Variants in ZFR2 observed in about 807,000 individuals in gnomAD.
ZFR2 encodes the protein zinc finger RNA binding protein 2, also known as zinc finger RNA-binding protein 2.
In ZFR2, 104 loss-of-function variants were observed where a neutral mutation model predicts 105.7. The observed-to-expected ratio is 0.98, with a 90% CI of 0.84 to 1.16. ZFR2 has a LOEUF of 1.16. ZFR2 is among the 50% of genes most tolerant of loss of function. The pLI, the probability that ZFR2 is intolerant of heterozygous loss-of-function variation, is 0.00. For missense variants in ZFR2, 1,425 were observed against 1,355.5 expected, an observed-to-expected ratio of 1.05 and a Z score of -0.80; for synonymous variants, 634 against 597.7, an observed-to-expected ratio of 1.06 and a Z score of -0.89.
chr19:3,814,264 G>A (rs1023538247), intron 13 of ZFR2, among the ~76,000 whole-genome samples: 2 of 152,180 alleles, frequency 1.3e-5, no homozygotes, highest in Non-Finnish European at 2.9e-5. Flanking sequence ...AAAAAAATTG[G>A]TGAGTGAAAT....
At chr19:3,828,724 C>T (rs2037979646) in intron 5 of ZFR2, among the ~76,000 whole-genome samples, 1 of 152,170 alleles carries the variant, frequency 6.6e-6, no homozygotes, top group African/African-American at 2.4e-5. Flanking sequence ...CGGCCACAGA[C>T]AAGACGTGGC....
In ZFR2 at chr19:3,825,286, G is replaced by A; in HGVS notation, c.1157C>T (p.Ala386Val). The change falls in exon 7 of 19, where the codon GCC (alanine) becomes GTC (valine). Residue 386 changes from alanine to valine, a missense_variant. Coordinates refer to ENST00000262961, the MANE Select transcript of ZFR2 (RefSeq NM_015174.2). ...CTTGGCCAGCGCTGGCCTGCTCGAG[G>A]CACACACGCTGGGGCCAGTGGGGGA... is the stretch of plus-strand genomic sequence containing the variant. Reference protein sequence around the residue: ...PTSPTGPSVCASSRPALAKRP... With the variant: ...PTSPTGPSVCVSSRPALAKRP... 1 of 1,577,260 alleles carries A rather than the reference G, an allele frequency of 6.3e-7. No homozygotes were observed.
In ZFR2 at chr19:3,820,199, C is replaced by T. The variant is rs558302396; in HGVS notation, c.1723G>A (p.Ala575Thr). 65 of 1,552,282 alleles carry T rather than the reference C, an allele frequency of 4.2e-5. No individual in the cohort carries two copies. The highest frequency in any genetic ancestry group is 5.3e-5 in the Non-Finnish European group (61 of 1,147,738). ...GTACCTACCTGGAGTGGGGCGCTGGCGGGTGACTCCGGCCTGCCCATGAGC... is the reference window on the plus strand; with the variant it reads ...GTACCTACCTGGAGTGGGGCGCTGGTGGGTGACTCCGGCCTGCCCATGAGC... ...PLLMGRPESP[A>T]SAPLQPGRRP... The change falls in exon 11 of 19, where the codon GCC becomes ACC. Residue 575 changes from alanine to threonine, a missense_variant. Coordinates refer to ENST00000262961, the MANE Select transcript of ZFR2 (RefSeq NM_015174.2).
intron 1 of ZFR2, among the ~76,000 whole-genome samples, chr19:3,846,725 T>A (rs904907246): frequency 5.3e-5 from 8 of 152,378 alleles, no homozygotes; most frequent in African/African-American, 1.9e-4. Flanking sequence ...TTTGAAAATA[T>A]CACAATTCAT....
chr19:3,857,322 G>A (rs1461683197), intron 1 of ZFR2, among the ~76,000 whole-genome samples: 1 of 151,990 alleles, frequency 6.6e-6, no homozygotes, highest in Non-Finnish European at 1.5e-5. Flanking sequence ...GCACAGGCGT[G>A]AGAACCAAAC....
intron 5 of ZFR2, among the ~76,000 whole-genome samples, chr19:3,828,962 CT>C (rs34334054): frequency 0.19 from 26,013 of 139,666 alleles, 2,406 homozygotes; most frequent in East Asian, 0.29. Context: ...ACTTAGGAAT[CT>C]TTTTTTTTTT....
At chr19:3,824,490 C>T (rs1235557623) in intron 7 of ZFR2, among the ~76,000 whole-genome samples, 4 of 152,132 alleles carry the variant, frequency 2.6e-5, no homozygotes, top group African/African-American at 4.8e-5. Context: ...CCTTCATTTC[C>T]TGGTACCCAT....
intron 12 of ZFR2, among the ~76,000 whole-genome samples, chr19:3,818,286 C>A (rs531222594): frequency 6.6e-6 from 1 of 152,102 alleles, no homozygotes; most frequent in Non-Finnish European, 1.5e-5. Flanking sequence ...GCTAACATAG[C>A]GAGACCTCTC....
intron 7 of ZFR2, among the ~76,000 whole-genome samples, chr19:3,824,889 A>C (rs1350556163): frequency 1.3e-5 from 2 of 152,200 alleles, no homozygotes; most frequent in Non-Finnish European, 2.9e-5. Flanking sequence ...GTGAGCTGAG[A>C]TCGCACCACT....
chr19:3,811,237 C>T, intron 15 of ZFR2, 35 bp downstream of exon 15: 1 of 1,512,782 alleles, frequency 6.6e-7, no homozygotes, highest in Non-Finnish European at 8.9e-7. Flanking sequence ...CTCAAAGTCA[C>T]CCCTCTCCCC....
intron 18 of ZFR2, 79 bp downstream of exon 18, chr19:3,807,093 C>G: frequency 9.0e-7 from 1 of 1,110,276 alleles, no homozygotes; most frequent in Non-Finnish European, 1.3e-6. Flanking sequence ...GAAACCCAGG[C>G]CATTTCGGGG....
At chr19:3,842,357 T>C (rs2038140993) in intron 1 of ZFR2, among the ~76,000 whole-genome samples, 1 of 152,110 alleles carries the variant, frequency 6.6e-6, no homozygotes, top group Non-Finnish European at 1.5e-5. Context: ...AGCATTAGAA[T>C]TGCACATTGA....
rs2037795387 is a variant in ZFR2, at chr19:3,813,685, C to G, written c.2242+135G>C. The stretch of plus-strand genomic sequence containing the variant: ...GTGACCCATGGAATCCTCAGGGGGA[C>G]AGCAGTGCTGGAGCGTGGCTGCTGT... On this transcript the variant is annotated intron_variant, in intron 14 of 18. Coordinates refer to ENST00000262961, the MANE Select transcript of ZFR2 (RefSeq NM_015174.2). The surrounding 1 kb of genome is among the most constrained non-coding windows in gnomAD (Gnocchi z 4.4). 2 of 1,273,212 alleles carry G rather than the reference C, an allele frequency of 1.6e-6. No homozygotes were observed. Among genetic ancestry groups the G allele is most frequent in the South Asian group, 1.4e-5 (1 of 70,350 alleles). The allele number at this position is 1,273,212 out of a possible 1,614,324, so 78.9% of individuals were successfully genotyped here.
rs1555752892 is a variant in ZFR2, at chr19:3,811,267, C to T, written c.2337+5G>A. ...CTCCCCCTGCTCCACCCCTGCCCCC[C>T]TGACCTGAAACCACCTGGCATGACG... On this transcript the variant is annotated splice_donor_5th_base_variant and intron_variant, in intron 15 of 18. Transcript: ENST00000262961. 1 of 1,581,000 alleles carries T rather than the reference C, an allele frequency of 6.3e-7. No individual in the cohort carries two copies. The highest frequency in any genetic ancestry group is 2.3e-5 in the East Asian group (1 of 43,020).
chr19:3,807,183 C>T lies in ZFR2; in HGVS notation c.2632G>A (p.Ala878Thr), dbSNP rs748820366. ...MTLQEREDVT[A>T]SAQHALRMLA... ...CTTGACCCTCCTACCTGGGCGCTGG[C>T]GGTCACGTCTTCCCGCTCTTGGAGG... The change falls in exon 18 of 19, where the codon GCC becomes ACC. Residue 878 changes from alanine to threonine, a missense_variant. By Grantham distance (58) the Ala-to-Thr change is moderately conservative. Coordinates refer to ENST00000262961, the MANE Select transcript of ZFR2 (RefSeq NM_015174.2). 1.2e-5 allele frequency: 19 copies of T among 1,554,138 alleles called. No homozygotes were observed. In the African/African-American group the frequency reaches 1.8e-4, roughly 15 times the overall value.
At chr19:3,852,806 C>T (rs1364446253) in intron 1 of ZFR2, among the ~76,000 whole-genome samples, 1 of 152,186 alleles carries the variant, frequency 6.6e-6, no homozygotes, top group African/African-American at 2.4e-5. Context: ...GGCAGTGGTT[C>T]TCAAAGAGGG....
At chr19:3,814,031 G>A in intron 13 of ZFR2, 73 bp from the exon 14 acceptor site, 5 of 1,582,064 alleles carry the variant, frequency 3.2e-6, no homozygotes, top group Non-Finnish European at 4.3e-6. Context: ...CCAGGATGTG[G>A]TTGGTGTGTG....
chr19:3,823,264 G>T lies in ZFR2; in HGVS notation c.1353C>A (p.Gly451=). Residue 451 remains glycine, a synonymous_variant, in exon 8 of 19, where the codon GGC becomes GGA. Transcript: ENST00000262961. The surrounding 1 kb of genome is among the most constrained non-coding windows in gnomAD (Gnocchi z 5.4). ...PAGCSDAQPV[G]PEYVEEVFSD... ...GACTTACCTCCTCCACATATTCCGG[G>T]CCCACCGGCTGCGCATCAGAGCAGC... is the stretch of plus-strand genomic sequence containing the variant. The T allele has an allele frequency of 1.2e-6, 2 of 1,613,944 alleles. No homozygotes were observed. The highest frequency in any genetic ancestry group is 2.2e-5 in the South Asian group (2 of 91,082).
In ZFR2 at chr19:3,823,348, T is replaced by C; in HGVS notation, c.1269A>G (p.Gln423=). 1 of 1,613,840 alleles carries C rather than the reference T, an allele frequency of 6.2e-7. No individual in the cohort carries two copies. The highest frequency in any genetic ancestry group is 1.1e-5 in the South Asian group (1 of 91,074). The change falls in exon 8 of 19, where the codon CAA becomes CAG. Residue 423 remains glutamine, a synonymous_variant. Transcript: ENST00000262961. This position sits in a 1 kb window ranked among gnomAD's most constrained non-coding sequence, Gnocchi z 5.4. ...GCRPQWGKPA[Q]PKLEGPGAPT... ...GTGCTCCGGGACCCTCTAATTTAGGTTGGGCTGGTTTCCCCCACTGGGGTC... is the reference window on the plus strand; with the variant it reads ...GTGCTCCGGGACCCTCTAATTTAGGCTGGGCTGGTTTCCCCCACTGGGGTC...
Sources: gnomAD v4.1 joint callset for allele counts (sites outside exome capture counted in the v4.1 genomes callset) on GRCh38, gnomAD v4.1.1 for gene constraint, Gnocchi (gnomAD v3.1) non-coding constraint, MANE v1.5 for transcripts, NCBI Gene and HGNC (gene_info 2026-07-23, HGNC 2026-07-21) for gene names.